Variants in EXOC4 observed in about 807,000 individuals in gnomAD.
The protein encoded by EXOC4 is exocyst complex component 4, also known as SEC8-like 1.
EXOC4 carries 71 observed loss-of-function variants against 107.2 expected under a neutral mutation model. That is an observed-to-expected ratio of 0.66 (90% CI 0.55 to 0.81). The LOEUF is 0.81. Among genes scored for constraint, EXOC4 ranks in the 30% least tolerant of loss-of-function variants. The probability of loss-of-function intolerance (pLI) is 0.00; values close to 1 mark genes in which losing one functional copy is unlikely to be tolerated. For synonymous variants in EXOC4, 456 were observed against 441.2 expected (o/e 1.03, Z -0.42); for missense variants, 1,108 against 1,189.6 (o/e 0.93, Z 1.01).
rs532052498 is a variant in EXOC4, at chr7:133,552,704, G to C, written c.1417+72566G>C. On this transcript the variant is annotated intron_variant, in intron 9 of 17. Coordinates refer to ENST00000253861, the MANE Select transcript of EXOC4 (RefSeq NM_021807.4). ...TGATCATACATGTATGATCAGCACA[G>C]TCCAGCTACATGGAAGTATCTGCCA... Among the ~76,000 whole-genome samples the C allele has an allele frequency of 2.0e-5, 3 of 152,204 alleles. No individual in the cohort carries two copies. In the East Asian group the frequency reaches 5.8e-4, roughly 29 times the overall value.
Position 133,551,183 on chromosome 7 carries a change from C to T in EXOC4, c.1417+71045C>T, listed in dbSNP as rs149985707. Among the ~76,000 whole-genome samples, 401 of 152,170 alleles carry T rather than the reference C, an allele frequency of 2.6e-3. 1 individual carries two copies. Among genetic ancestry groups the T allele is most frequent in the African/African-American group, 9.4e-3 (389 of 41,510 alleles). On this transcript the variant is annotated intron_variant, in intron 9 of 17. Coordinates refer to ENST00000253861, the MANE Select transcript of EXOC4 (RefSeq NM_021807.4). ...ATATTACCCAATCAGAATGATGGCT[C>T]CTGATAATTTTATAAGAAATAGTGT...
chr7:133,917,421 G>A (rs1585246948), intron 12 of EXOC4, among the ~76,000 whole-genome samples, 162 bp from the exon 13 acceptor site: 1 of 152,312 alleles, frequency 6.6e-6, no homozygotes, highest in South Asian at 2.1e-4. Flanking sequence ...TCCCAGTAAT[G>A]TGACCTATTA....
chr7:133,905,840 G>A (rs1272805508), intron 12 of EXOC4, among the ~76,000 whole-genome samples: 1 of 152,114 alleles, frequency 6.6e-6, no homozygotes, highest in East Asian at 1.9e-4. Flanking sequence ...AGAGTGAGAG[G>A]AGGAGAAGCC....
intron 10 of EXOC4, among the ~76,000 whole-genome samples, chr7:133,780,303 T>TAA (rs35224246): frequency 0.13 from 18,576 of 143,780 alleles, 1,236 homozygotes; most frequent in African/African-American, 0.15. Flanking sequence ...TTGAAGAATC[T>TAA]AAAAAAAAAA....
intron 14 of EXOC4, among the ~76,000 whole-genome samples, chr7:133,971,794 C>G (rs1207626639): frequency 3.3e-5 from 5 of 152,192 alleles, no homozygotes; most frequent in African/African-American, 9.7e-5. Context: ...TTAGCTGACT[C>G]TTTATCACCA....
intron 14 of EXOC4, among the ~76,000 whole-genome samples, chr7:133,969,557 ATTC>A (rs1181013651): frequency 6.6e-6 from 1 of 151,982 alleles, no homozygotes; most frequent in Non-Finnish European, 1.5e-5. Flanking sequence ...TGTTGATGCT[ATTC>A]TTTTCTGTTT....
chr7:133,844,146 G>A (rs1798074846), intron 11 of EXOC4, among the ~76,000 whole-genome samples: 1 of 152,028 alleles, frequency 6.6e-6, no homozygotes, highest in Non-Finnish European at 1.5e-5. Flanking sequence ...GTCTCTGCCA[G>A]GTTTTGGTAT....
intron 10 of EXOC4, among the ~76,000 whole-genome samples, chr7:133,647,470 T>C (rs1409300368): frequency 1.3e-5 from 2 of 152,010 alleles, no homozygotes; most frequent in Non-Finnish European, 2.9e-5. Flanking sequence ...ATCACCCCCG[T>C]TTTATAGCTA....
chr7:133,917,689 C>T lies in EXOC4; in HGVS notation c.1978C>T (p.Gln660Ter). The change falls in exon 13 of 18, where the codon CAA becomes TAA. Residue 660 changes from glutamine (Q) to a stop codon, truncating the protein, a stop_gained. Coordinates refer to ENST00000253861, the MANE Select transcript of EXOC4 (RefSeq NM_021807.4). LOFTEE classifies it high-confidence loss of function. ...TCTACCAAACTGGATGAATATGGCT[C>T]AACCCAAACAGCTGAGGCCAAAAAG... ...KSLPNWMNMA[Q>*]PKQLRPKREE... is the part of the protein sequence containing the mutation. 11 of 1,614,022 alleles carry T rather than the reference C, an allele frequency of 6.8e-6. No homozygotes were observed. The highest frequency in any genetic ancestry group is 9.3e-6 in the Non-Finnish European group (11 of 1,179,988).
chr7:133,429,592 A>G (rs1243758614), intron 7 of EXOC4, among the ~76,000 whole-genome samples: 2 of 152,156 alleles, frequency 1.3e-5, no homozygotes, highest in Non-Finnish European at 2.9e-5. Flanking sequence ...ATCACTCACC[A>G]TTAGCAGTCA....
At chr7:133,326,690 A>G (rs1438558484) in intron 5 of EXOC4, among the ~76,000 whole-genome samples, 1 of 152,306 alleles carries the variant, frequency 6.6e-6, no homozygotes, top group East Asian at 1.9e-4. Context: ...GTCCGTTCTC[A>G]GATCTCAAAT....
chr7:133,684,791 C>T (rs939409351), intron 10 of EXOC4, among the ~76,000 whole-genome samples: 2 of 152,140 alleles, frequency 1.3e-5, no homozygotes, highest in African/African-American at 2.4e-5. Flanking sequence ...TGCCTTGGGG[C>T]ATTTGTCAGC....
intron 5 of EXOC4, among the ~76,000 whole-genome samples, chr7:133,326,947 C>G (rs1795259051): frequency 6.6e-6 from 1 of 152,320 alleles, no homozygotes; most frequent in African/African-American, 2.4e-5. Context: ...CCTTGCAGGT[C>G]AATCTCAGAC....
At chr7:133,498,469 C>T (rs1481176348) in intron 9 of EXOC4, among the ~76,000 whole-genome samples, 1 of 152,144 alleles carries the variant, frequency 6.6e-6, no homozygotes, top group East Asian at 1.9e-4. Context: ...CCTGTAGTCC[C>T]AGCTACTCGG....
intron 3 of EXOC4, among the ~76,000 whole-genome samples, chr7:133,300,361 A>G (rs1794615492): frequency 6.6e-6 from 1 of 152,168 alleles, no homozygotes; most frequent in Admixed American, 6.5e-5. Context: ...CAGACACATC[A>G]TCTTAGTCTT....
chr7:133,793,757 GTC>G (rs1796753595), intron 10 of EXOC4, among the ~76,000 whole-genome samples: 2 of 152,012 alleles, frequency 1.3e-5, no homozygotes, highest in South Asian at 4.1e-4. Flanking sequence ...AGGCAGGAGA[GTC>G]TCTGGTACCA....
chr7:133,430,373 ACT>A (rs1202695058), intron 7 of EXOC4, among the ~76,000 whole-genome samples: 1 of 151,846 alleles, frequency 6.6e-6, no homozygotes, highest in Non-Finnish European at 1.5e-5. Flanking sequence ...AAACGGGATA[ACT>A]CTTCTCATTT....
At chr7:133,383,786 C>T (rs572005219) in intron 7 of EXOC4, among the ~76,000 whole-genome samples, 10 of 152,204 alleles carry the variant, frequency 6.6e-5, no homozygotes, top group African/African-American at 2.2e-4. Context: ...AGAGTATTCT[C>T]GCAGAAATAG....
At chr7:133,996,834 A>G (rs1794403016) in intron 14 of EXOC4, among the ~76,000 whole-genome samples, 1 of 152,218 alleles carries the variant, frequency 6.6e-6, no homozygotes, top group Admixed American at 6.5e-5. Context: ...GAGAATTATA[A>G]TTTAATTCAA....
Sources: gnomAD v4.1 joint callset for allele counts (sites outside exome capture counted in the v4.1 genomes callset) on GRCh38, gnomAD v4.1.1 for gene constraint, MANE v1.5 for transcripts, NCBI Gene and HGNC (gene_info 2026-07-23, HGNC 2026-07-21) for gene names.